The following MTPAP variants were observed in gnomAD, a reference collection of about 807,000 sequenced individuals.
MTPAP encodes the protein poly(A) RNA polymerase, mitochondrial.
A neutral mutation model predicts 48.7 loss-of-function variants in MTPAP; 23 were observed. That is an observed-to-expected ratio of 0.47 (90% CI 0.34 to 0.67). The LOEUF (loss-of-function observed/expected upper bound fraction) is 0.67. Ranked by LOEUF, MTPAP falls within the 30% of genes least tolerant of loss-of-function variation. The pLI, the probability that MTPAP is intolerant of heterozygous loss-of-function variation, is 0.01. For missense variants in MTPAP, 614 were observed against 694.3 expected, an observed-to-expected ratio of 0.88 and a Z score of 1.30; for synonymous variants, 257 against 254.1, an observed-to-expected ratio of 1.01 and a Z score of -0.11.
At chr10:30,338,064 C>G (rs1834749730) in intron 3 of MTPAP, among the ~76,000 whole-genome samples, 1 of 151,820 alleles carries the variant, frequency 6.6e-6, no homozygotes, top group Non-Finnish European at 1.5e-5. Context: ...GTGAGACCAG[C>G]CTGGGCAACG....
intron 6 of MTPAP, 30 bp from the exon 7 acceptor site, chr10:30,316,240 G>GA: frequency 7.8e-7 from 1 of 1,286,340 alleles, no homozygotes; most frequent in South Asian, 1.3e-5. Flanking sequence ...TATTTCACGT[G>GA]TTTTTTTTTT....
intron 8 of MTPAP, among the ~76,000 whole-genome samples, chr10:30,315,510 A>AAC (rs1554817031): frequency 1.0e-4 from 15 of 147,316 alleles, no homozygotes; most frequent in African/African-American, 3.2e-4. Context: ...CTCAAAAAAA[A>AAC]AAAACAAAAC....
rs1408358486 is a variant in MTPAP at position 30,310,496 on chromosome 10, G to A, written c.*3113C>T. On this transcript the variant is annotated 3_prime_UTR_variant, in exon 9 of 9. Coordinates refer to ENST00000263063, the MANE Select transcript of MTPAP (RefSeq NM_018109.4). Reference sequence around the variant, plus strand: ...AGCTACTCAGGAGGCTGAGGCAGAAGAATCACCTGAACCCGGGAAGTGGAG... The same window carrying A: ...AGCTACTCAGGAGGCTGAGGCAGAAAAATCACCTGAACCCGGGAAGTGGAG... 6.8e-6 allele frequency: 1 copy of A among 147,606 alleles called. No individual in the cohort carries two copies. The highest frequency in any genetic ancestry group is 1.5e-5 in the Non-Finnish European group (1 of 67,598). 9.1% of individuals were successfully genotyped at this position (147,606 alleles called of 1,614,324 possible). A position where few individuals can be genotyped will look rare whatever the true frequency, so the allele number is the denominator to read the frequency against.
chr10:30,343,405 CAAA>C (rs1235833038), intron 1 of MTPAP, among the ~76,000 whole-genome samples: 6 of 89,650 alleles, frequency 6.7e-5, no homozygotes, highest in African/African-American at 6.6e-5. Context: ...GAGACTGTCT[CAAA>C]AAAAAAAAAA....
In MTPAP at chr10:30,346,441, G is replaced by GA. The variant is rs1014299133; in HGVS notation, c.157+2677dup. Among the ~76,000 whole-genome samples the GA allele has an allele frequency of 3.0e-3, 446 of 147,890 alleles. 2 individuals carry two copies. Among genetic ancestry groups the GA allele is most frequent in the East Asian group, 8.8e-3 (45 of 5,118 alleles). ...AGATAAAGAGAGGATTTACAGCCTG[G>GA]AAAAAAAAAACTGTAAGAATCTGAG... On this transcript the variant is annotated intron_variant, in intron 1 of 8. Transcript: ENST00000263063.
chr10:30,345,060 C>T (rs1230648538), intron 1 of MTPAP, among the ~76,000 whole-genome samples: 1 of 152,110 alleles, frequency 6.6e-6, no homozygotes, highest in African/African-American at 2.4e-5. Flanking sequence ...GTCCTCTTAC[C>T]CTAACAGCCA....
chr10:30,347,832 C>T (rs1286134400), intron 1 of MTPAP, among the ~76,000 whole-genome samples: 1 of 149,252 alleles, frequency 6.7e-6, no homozygotes, highest in Non-Finnish European at 1.5e-5. Context: ...CCAAGGTTGC[C>T]GTGAGCCAAG....
chr10:30,323,416 C>T (rs1482522054), intron 5 of MTPAP, among the ~76,000 whole-genome samples: 26 of 131,210 alleles, frequency 2.0e-4, no homozygotes, highest in Admixed American at 6.4e-4. Context: ...AGCGTTATTG[C>T]ACTCCAGCCT....
intron 4 of MTPAP, among the ~76,000 whole-genome samples, chr10:30,330,527 TGA>T (rs1834653032): frequency 6.6e-6 from 1 of 152,104 alleles, no homozygotes; most frequent in African/African-American, 2.4e-5. Flanking sequence ...GTACTATAAA[TGA>T]GAGAATAAAA....
chr10:30,335,233 T>G (rs937373187), intron 4 of MTPAP, among the ~76,000 whole-genome samples: 1 of 152,164 alleles, frequency 6.6e-6, no homozygotes, highest in Non-Finnish European at 1.5e-5. Flanking sequence ...ACGCCTGTAA[T>G]CCCAGCACTT....
chr10:30,318,455 G>A (rs1840685885), intron 6 of MTPAP, among the ~76,000 whole-genome samples: 1 of 152,156 alleles, frequency 6.6e-6, no homozygotes. Flanking sequence ...AATTAACAGT[G>A]TATGTTTTTT....
intron 1 of MTPAP, among the ~76,000 whole-genome samples, chr10:30,342,781 A>T (rs1465241830): frequency 5.3e-5 from 8 of 152,156 alleles, no homozygotes; most frequent in Admixed American, 5.2e-4. Flanking sequence ...ACCAACTATC[A>T]TGCGCTCTGT....
rs776592038 is a variant in MTPAP, at chr10:30,316,146, A to C, written c.1284T>G (p.Ile428Met). 5 of 1,614,054 alleles carry C rather than the reference A, an allele frequency of 3.1e-6. No individual in the cohort carries two copies. Among genetic ancestry groups the C allele is most frequent in the Non-Finnish European group, 8.5e-7 (1 of 1,179,912 alleles). Residue 428 changes from isoleucine to methionine, a missense_variant, in exon 7 of 9, where the codon ATT (isoleucine) becomes ATG (methionine). Physicochemically the swap from Ile to Met is conservative, Grantham distance 10. Coordinates refer to ENST00000263063, the MANE Select transcript of MTPAP (RefSeq NM_018109.4). ...ATGTTTCTGTGTTCTGTGAAGGTTTAATTCTACTCAAGTCACGAACAAATG... is the reference window on the plus strand; with the variant it reads ...ATGTTTCTGTGTTCTGTGAAGGTTTCATTCTACTCAAGTCACGAACAAATG... Reference protein sequence around the residue: ...NCTFVRDLSRIKPSQNTETLE... With the variant: ...NCTFVRDLSRMKPSQNTETLE...
intron 4 of MTPAP, among the ~76,000 whole-genome samples, chr10:30,331,977 C>T (rs2084199000): frequency 6.6e-6 from 1 of 152,240 alleles, no homozygotes; most frequent in Non-Finnish European, 1.5e-5. Flanking sequence ...CTCTTCCTAA[C>T]TCCTCTCAGA....
At chr10:30,323,833 A>G (rs922940544) in intron 5 of MTPAP, among the ~76,000 whole-genome samples, 2 of 152,230 alleles carry the variant, frequency 1.3e-5, no homozygotes, top group Non-Finnish European at 2.9e-5. Flanking sequence ...TTTTAAATCA[A>G]AGTTTCTAAA....
chr10:30,321,777 T>G (rs1433900007), intron 6 of MTPAP, among the ~76,000 whole-genome samples: 1 of 152,220 alleles, frequency 6.6e-6, no homozygotes, highest in Non-Finnish European at 1.5e-5. Context: ...ATGTACCCCT[T>G]AATTATCTTC....
At chr10:30,324,382 A>C (rs1428519481) in intron 5 of MTPAP, among the ~76,000 whole-genome samples, 1 of 151,908 alleles carries the variant, frequency 6.6e-6, no homozygotes, top group Non-Finnish European at 1.5e-5. Flanking sequence ...GAAAAACAAA[A>C]TTTTAAAAAT....
At chr10:30,334,643 C>G (rs774370643) in intron 4 of MTPAP, among the ~76,000 whole-genome samples, 3 of 151,772 alleles carry the variant, frequency 2.0e-5, no homozygotes, top group Non-Finnish European at 4.4e-5. Context: ...CCTGGGTGAC[C>G]GAGTGAAGCT....
intron 1 of MTPAP, among the ~76,000 whole-genome samples, chr10:30,345,488 A>AC (rs1834864141): frequency 6.6e-6 from 1 of 151,956 alleles, no homozygotes; most frequent in Admixed American, 6.6e-5. Context: ...AAGTTTGATT[A>AC]AAAAAAATGG....
Sources: allele counts gnomAD v4.1 joint callset (sites outside exome capture counted in the v4.1 genomes callset), GRCh38; gene constraint gnomAD v4.1.1; transcripts MANE v1.5; gene names NCBI Gene and HGNC (gene_info 2026-07-23, HGNC 2026-07-21).